The following TRABD2B variants were observed in gnomAD, a reference collection of about 807,000 sequenced individuals.
The protein encoded by TRABD2B is TraB domain containing 2B.
Under a neutral mutation model 40.1 loss-of-function variants are expected in TRABD2B, and 14 were observed. The observed-to-expected ratio is 0.35, with a 90% CI of 0.23 to 0.55. TRABD2B has a LOEUF of 0.55. TRABD2B is among the 20% of genes least tolerant of loss of function. TRABD2B has a pLI of 0.90. For missense variants in TRABD2B, 541 were observed against 648.6 expected, an observed-to-expected ratio of 0.83 and a Z score of 1.80; for synonymous variants, 263 against 277.0, an observed-to-expected ratio of 0.95 and a Z score of 0.50.
intron 2 of TRABD2B, among the ~76,000 whole-genome samples, chr1:47,927,074 G>C (rs1227655415): frequency 6.6e-6 from 1 of 152,206 alleles, no homozygotes; most frequent in African/African-American, 2.4e-5. Flanking sequence ...TGGGAAAGCT[G>C]CCTTGAAGAC....
intron 2 of TRABD2B, among the ~76,000 whole-genome samples, chr1:47,910,166 A>C (rs887561302): frequency 2.6e-5 from 4 of 152,034 alleles, no homozygotes; most frequent in Admixed American, 1.3e-4. Flanking sequence ...GGCAGGGATC[A>C]TGTTTCAACA....
intron 2 of TRABD2B, among the ~76,000 whole-genome samples, chr1:47,952,345 C>T (rs1165900770): frequency 6.6e-6 from 1 of 152,188 alleles, no homozygotes. Flanking sequence ...CTCATCTAGC[C>T]CTTCTTACAG....
intron 3 of TRABD2B, among the ~76,000 whole-genome samples, chr1:47,795,398 CTTG>C: frequency 6.6e-6 from 1 of 152,310 alleles, no homozygotes; most frequent in East Asian, 1.9e-4. Flanking sequence ...CTGTGCTCAT[CTTG>C]TTAACTGCTC....
intron 2 of TRABD2B, among the ~76,000 whole-genome samples, chr1:47,806,089 G>T (rs750091309): frequency 2.0e-5 from 3 of 152,214 alleles, no homozygotes; most frequent in Non-Finnish European, 2.9e-5. Context: ...ATTACGTCTG[G>T]CACCGGACCA....
intron 2 of TRABD2B, among the ~76,000 whole-genome samples, chr1:47,890,715 G>T (rs1389448765): frequency 6.6e-6 from 1 of 152,176 alleles, no homozygotes; most frequent in Non-Finnish European, 1.5e-5. Context: ...AGCAAAGTTA[G>T]GTGTTTTTTC....
At chr1:47,780,683 T>G (rs2124106066) in intron 4 of TRABD2B, among the ~76,000 whole-genome samples, 1 of 151,316 alleles carries the variant, frequency 6.6e-6, no homozygotes, top group East Asian at 1.9e-4. Context: ...AGGATAGGAG[T>G]GGGTGGCACA....
chr1:47,900,326 GGAGA>G (rs2124677557), intron 2 of TRABD2B, among the ~76,000 whole-genome samples: 1 of 152,300 alleles, frequency 6.6e-6, no homozygotes, highest in East Asian at 1.9e-4. Context: ...CACGACTTCA[GGAGA>G]GAGTGCTAAA....
rs986184787 is a variant in TRABD2B at position 47,834,246 on chromosome 1, A to C, written c.667-32627T>G. Among the ~76,000 whole-genome samples the C allele has an allele frequency of 3.3e-5, 5 of 152,322 alleles. No homozygotes were observed. In the South Asian group the frequency reaches 8.3e-4, roughly 25 times the overall value. On this transcript the variant is annotated intron_variant, in intron 2 of 6. Coordinates refer to ENST00000606738, the MANE Select transcript of TRABD2B (RefSeq NM_001194986.2). ...CGTTTGTTGCAGACAATCAGAGTCAAATTTTTGAACATCACAGCAGCCTGA... is the reference window on the plus strand; with the variant it reads ...CGTTTGTTGCAGACAATCAGAGTCACATTTTTGAACATCACAGCAGCCTGA...
At chr1:47,834,049 G>A (rs1432888446) in intron 2 of TRABD2B, among the ~76,000 whole-genome samples, 2 of 152,180 alleles carry the variant, frequency 1.3e-5, no homozygotes, top group African/African-American at 4.8e-5. Flanking sequence ...CCAGCAGCCT[G>A]GCAGTCACTG....
intron 2 of TRABD2B, among the ~76,000 whole-genome samples, chr1:47,844,663 A>G (rs6588525): frequency 0.75 from 113,662 of 152,100 alleles, 42,868 homozygotes; most frequent in East Asian, 0.98. Flanking sequence ...AAAAGCATAA[A>G]GTGATGTGAG....
chr1:47,888,109 T>C (rs1346179380), intron 2 of TRABD2B, among the ~76,000 whole-genome samples: 5 of 152,224 alleles, frequency 3.3e-5, no homozygotes, highest in Middle Eastern at 3.2e-3. Flanking sequence ...TTCTCCTCCA[T>C]AGCCATGTCC....
intron 2 of TRABD2B, among the ~76,000 whole-genome samples, chr1:47,959,326 T>C (rs987162052): frequency 1.3e-5 from 2 of 152,024 alleles, no homozygotes; most frequent in African/African-American, 2.4e-5. Flanking sequence ...GGCAAACACA[T>C]TCAAAAGCCA....
chr1:47,876,489 C>G (rs1475543859), intron 2 of TRABD2B, among the ~76,000 whole-genome samples: 1 of 152,216 alleles, frequency 6.6e-6, no homozygotes, highest in Non-Finnish European at 1.5e-5. Flanking sequence ...CAAGAGGCCT[C>G]TAGCTGGGAG....
At chr1:47,793,876 C>T (rs563151955) in intron 4 of TRABD2B, among the ~76,000 whole-genome samples, 2 of 152,122 alleles carry the variant, frequency 1.3e-5, no homozygotes, top group Non-Finnish European at 2.9e-5. Context: ...AACATGTAGA[C>T]TCCCCTTTGC....
chr1:47,955,889 T>C (rs1454719872), intron 2 of TRABD2B, among the ~76,000 whole-genome samples: 2 of 152,188 alleles, frequency 1.3e-5, no homozygotes, highest in Non-Finnish European at 2.9e-5. Flanking sequence ...ATTTCAGTTA[T>C]ACCTGCAAGG....
In TRABD2B at chr1:47,846,894, A is replaced by ACG. The variant is rs1645478982; in HGVS notation, c.667-45276_667-45275insCG. 1.8e-4 allele frequency among the ~76,000 whole-genome samples: 26 copies of ACG among 145,704 alleles called. 1 individual carries two copies. The highest frequency in any genetic ancestry group is 3.4e-4 in the Non-Finnish European group (22 of 65,612). ...CACACACACACACACACACACACAC[A>ACG]CAAATGAGGGCTGGGTGCCCTCTGA... On this transcript the variant is annotated intron_variant, in intron 2 of 6. Transcript: ENST00000606738.
At chr1:47,892,122 T>G (rs1474589229) in intron 2 of TRABD2B, among the ~76,000 whole-genome samples, 1 of 152,218 alleles carries the variant, frequency 6.6e-6, no homozygotes, top group East Asian at 1.9e-4. Flanking sequence ...TACAGGCAGC[T>G]TATTACACGC....
At chr1:47,794,790 GTTTT>G (rs555844964) in intron 3 of TRABD2B, 30 bp from the exon 4 acceptor site, 2,370 of 1,140,644 alleles carry the variant, frequency 2.1e-3, no homozygotes, top group East Asian at 4.0e-3. Flanking sequence ...GCTGCCTTCA[GTTTT>G]TTTTTTTTTT....
intron 2 of TRABD2B, among the ~76,000 whole-genome samples, chr1:47,890,122 G>A (rs1407650274): frequency 1.3e-5 from 2 of 152,218 alleles, no homozygotes; most frequent in Admixed American, 6.5e-5. Flanking sequence ...TTTGTACACT[G>A]CAGAGTATGC....
Sources: gnomAD v4.1 joint callset for allele counts (sites outside exome capture counted in the v4.1 genomes callset) on GRCh38, gnomAD v4.1.1 for gene constraint, MANE v1.5 for transcripts, NCBI Gene and HGNC (gene_info 2026-07-23, HGNC 2026-07-21) for gene names.